Variants in CST8 observed in about 807,000 individuals in gnomAD.
The protein encoded by CST8 is cystatin 8.
Under a neutral mutation model 11.8 loss-of-function variants are expected in CST8, and 20 were observed. The observed-to-expected ratio is 1.70, with a 90% CI of 1.20 to 2.47. CST8 has a LOEUF of 2.47. CST8 is among the 30% of genes most tolerant of loss of function. The pLI, the probability that CST8 is intolerant of heterozygous loss-of-function variation, is 0.00. For missense variants in CST8, 196 were observed against 167.2 expected, an observed-to-expected ratio of 1.17 and a Z score of -0.95; for synonymous variants, 77 against 63.1, an observed-to-expected ratio of 1.22 and a Z score of -1.05.
chr20:23,495,765 T>G, intron 3 of CST8, 66 bp from the exon 4 acceptor site: 1 of 1,209,346 alleles, frequency 8.3e-7, no homozygotes, highest in Non-Finnish European at 1.2e-6. Flanking sequence ...AGGACAATTG[T>G]TTTTCTTTTC....
chr20:23,501,685 T>A, the CST8 span, among the ~76,000 whole-genome samples: 13 of 152,354 alleles, frequency 8.5e-5, no homozygotes, highest in East Asian at 2.5e-3. Context: ...ACTATTTGGA[T>A]CCTGCCCAGG....
chr20:23,492,699 C>T (rs1987925481), intron 2 of CST8, among the ~76,000 whole-genome samples: 1 of 152,098 alleles, frequency 6.6e-6, no homozygotes, highest in African/African-American at 2.4e-5. Flanking sequence ...ATGAGAAGGC[C>T]TTGCTTTCAA....
the CST8 span, among the ~76,000 whole-genome samples, chr20:23,506,850 G>T: frequency 6.6e-6 from 1 of 151,468 alleles, no homozygotes; most frequent in Non-Finnish European, 1.5e-5. Context: ...AGGATTTAGG[G>T]GAACTGTCTC....
chr20:23,492,493 C>T (rs76483752), intron 2 of CST8, among the ~76,000 whole-genome samples: 1 of 152,160 alleles, frequency 6.6e-6, no homozygotes, highest in Admixed American at 6.5e-5. Context: ...GTGGGGAAAC[C>T]CCAGAGGATG....
chr20:23,491,179 G>A lies in CST8; in HGVS notation c.-307G>A, dbSNP rs1987865918. 6.2e-6 allele frequency: 1 copy of A among 160,558 alleles called. No individual in the cohort carries two copies. Among genetic ancestry groups the A allele is most frequent in the Non-Finnish European group, 1.4e-5 (1 of 73,474 alleles). 9.9% of individuals were successfully genotyped at this position (160,558 alleles called of 1,614,324 possible). On this transcript the variant is annotated 5_prime_UTR_variant, in exon 1 of 4. Transcript: ENST00000246012. ...TGCTGAAGACCTAGGAGAACCACTG[G>A]TCAGGTCAGCTCCCAGCTCCACAGG...
chr20:23,495,717 C>A, intron 3 of CST8, 114 bp from the exon 4 acceptor site: 2 of 756,558 alleles, frequency 2.6e-6, no homozygotes, highest in South Asian at 1.6e-5. Context: ...GAGTGGTGAC[C>A]CATCTGTCAG....
chr20:23,498,316 A>G (rs1196946143), downstream of CST8, among the ~76,000 whole-genome samples: 1 of 152,170 alleles, frequency 6.6e-6, no homozygotes, highest in African/African-American at 2.4e-5. Context: ...TTAAAAATAG[A>G]TGTATCTATT....
At chr20:23,496,989 T>C (rs1486923508), downstream of CST8, among the ~76,000 whole-genome samples, 1 of 152,210 alleles carries the variant, frequency 6.6e-6, no homozygotes, top group Non-Finnish European at 1.5e-5. Flanking sequence ...ACACATGCTC[T>C]ACAGACAATT....
downstream of CST8, among the ~76,000 whole-genome samples, chr20:23,497,420 C>T (rs1319635409): frequency 3.3e-5 from 5 of 152,192 alleles, no homozygotes; most frequent in Non-Finnish European, 7.3e-5. Flanking sequence ...TGGCCTGAGG[C>T]TCTTCCTGTC....
the CST8 span, among the ~76,000 whole-genome samples, chr20:23,504,684 TACA>T: frequency 2.0e-4 from 30 of 152,286 alleles, no homozygotes; most frequent in African/African-American, 5.5e-4. Context: ...TTTATAATAC[TACA>T]ACAACAACAA....
chr20:23,492,979 C>T lies in CST8; in HGVS notation c.253C>T (p.Leu85Phe). The change falls in exon 3 of 4, where the codon CTT becomes TTT. Residue 85 changes from leucine (L) to phenylalanine (F), a missense_variant. Coordinates refer to ENST00000246012, the MANE Select transcript of CST8 (RefSeq NM_005492.4). ...ACAGGTCACAAATCTTCTGGAATAC[C>T]TTATTGATGTAGAAATTGCCCGCAG... ...QLQVTNLLEY[L>F]IDVEIARSDC... The T allele has an allele frequency of 6.2e-7, 1 of 1,604,534 alleles. No individual in the cohort carries two copies. Among genetic ancestry groups the T allele is most frequent in the Non-Finnish European group, 8.5e-7 (1 of 1,171,546 alleles).
chr20:23,503,937 A>G, the CST8 span, among the ~76,000 whole-genome samples: 19 of 152,342 alleles, frequency 1.2e-4, no homozygotes, highest in African/African-American at 4.6e-4. Context: ...TTCCCACGTC[A>G]TTGCTCACCC....
chr20:23,494,148 G>A (rs1987971135), intron 3 of CST8, among the ~76,000 whole-genome samples: 1 of 152,188 alleles, frequency 6.6e-6, no homozygotes, highest in African/African-American at 2.4e-5. Flanking sequence ...CATTTCAGCA[G>A]TGAGCTTGTC....
intron 1 of CST8, 47 bp from the exon 2 acceptor site, chr20:23,491,478 G>C: frequency 1.7e-6 from 1 of 597,958 alleles, no homozygotes; most frequent in East Asian, 2.8e-5. Flanking sequence ...TGGAGAAAGA[G>C]AGGACAAACC....
chr20:23,503,283 C>CT, the CST8 span, among the ~76,000 whole-genome samples: 1 of 152,124 alleles, frequency 6.6e-6, no homozygotes, highest in African/African-American at 2.4e-5. Context: ...AACTAATAGA[C>CT]TAGAGAGTCT....
intron 3 of CST8, among the ~76,000 whole-genome samples, chr20:23,493,406 T>A (rs931256446): frequency 6.6e-6 from 1 of 152,190 alleles, no homozygotes; most frequent in African/African-American, 2.4e-5. Context: ...AGCCACCCAC[T>A]ATTGCTGGGC....
chr20:23,493,630 G>A (rs544996830), intron 3 of CST8, among the ~76,000 whole-genome samples: 1 of 152,304 alleles, frequency 6.6e-6, no homozygotes, highest in African/African-American at 2.4e-5. Context: ...CAGGAAGGTT[G>A]GGGCAAACCC....
At chr20:23,493,272 T>G (rs1175276542) in intron 3 of CST8, among the ~76,000 whole-genome samples, 2 of 152,122 alleles carry the variant, frequency 1.3e-5, no homozygotes, top group African/African-American at 4.8e-5. Flanking sequence ...TCATCCTTCA[T>G]CCTGCAGAAA....
intron 2 of CST8, 70 bp from the exon 3 acceptor site, chr20:23,492,885 ATTT>A: frequency 2.9e-6 from 2 of 698,570 alleles, no homozygotes; most frequent in Non-Finnish European, 2.4e-6. Context: ...AGTAAGAGTA[ATTT>A]TTTTTTTTTG....
Sources: gnomAD v4.1 joint callset for allele counts (sites outside exome capture counted in the v4.1 genomes callset) on GRCh38, gnomAD v4.1.1 for gene constraint, MANE v1.5 for transcripts, NCBI Gene and HGNC (gene_info 2026-07-23, HGNC 2026-07-21) for gene names.